Variants in HOTAIR observed in about 807,000 individuals in gnomAD.
The protein encoded by HOTAIR is HOX transcript antisense RNA, also known as HOX transcript antisense RNA (non-protein coding).
At chr12:53,971,557 G>A (rs1939148628) in intron 1 of HOTAIR, among the ~76,000 whole-genome samples, 1 of 152,234 alleles carries the variant, frequency 6.6e-6, no homozygotes, top group Admixed American at 6.5e-5. Context: ...TCTTTAAGTG[G>A]AAACTAATTT....
At chr12:53,969,964 G>A (rs1294876169) in intron 1 of HOTAIR, among the ~76,000 whole-genome samples, 2 of 152,226 alleles carry the variant, frequency 1.3e-5, no homozygotes, top group Non-Finnish European at 2.9e-5. Flanking sequence ...TCTGGGAGCC[G>A]CCCAGGGTAG....
exon 7 of HOTAIR, chr12:53,962,615 G>A (rs1315327246): frequency 6.6e-6 from 1 of 152,108 alleles, no homozygotes; most frequent in Admixed American, 6.6e-5. Flanking sequence ...ATTCTTCTGG[G>A]TTCATGAACT....
intron 1 of HOTAIR, among the ~76,000 whole-genome samples, chr12:53,971,070 A>G (rs970537403): frequency 4.6e-5 from 7 of 152,042 alleles, no homozygotes; most frequent in Non-Finnish European, 7.4e-5. Context: ...GTCAGTGTGA[A>G]CCCCATTAAA....
intron 1 of HOTAIR, among the ~76,000 whole-genome samples, chr12:53,972,672 G>T (rs1282168186): frequency 2.0e-5 from 3 of 152,200 alleles, no homozygotes; most frequent in African/African-American, 4.8e-5. Flanking sequence ...GGGTTGGAAG[G>T]GTAAGAGTCC....
chr12:53,974,789 A>G (rs1939224407), intron 1 of HOTAIR: 1 of 164,960 alleles, frequency 6.1e-6, no homozygotes, highest in Non-Finnish European at 1.3e-5. Context: ...CTTTCCCCCC[A>G]GATTTCTGGG....
intron 1 of HOTAIR, among the ~76,000 whole-genome samples, chr12:53,969,113 G>A (rs1416989384): frequency 6.6e-6 from 1 of 152,194 alleles, no homozygotes; most frequent in Non-Finnish European, 1.5e-5. Flanking sequence ...GATCTGGGTG[G>A]CCCAACAGGG....
chr12:53,964,477 A>G (rs1400596816), intron 5 of HOTAIR, among the ~76,000 whole-genome samples: 1 of 152,178 alleles, frequency 6.6e-6, no homozygotes, highest in African/African-American at 2.4e-5. Context: ...TGAAGAAACA[A>G]TGTAACACTA....
chr12:53,973,939 C>T lies in HOTAIR; in HGVS notation n.59+959G>A. On this transcript the variant is annotated intron_variant and non_coding_transcript_variant, in intron 1 of 6. Transcript: ENST00000424518. This position sits in a 1 kb window ranked among gnomAD's most constrained non-coding sequence, Gnocchi z 4.3. Reference sequence around the variant, plus strand: ...GCCGCCCCCAGTAGGTAGCAGCGGCCGGGGAACGGGCGGGCAGCGAGGGAG... The same window carrying T: ...GCCGCCCCCAGTAGGTAGCAGCGGCTGGGGAACGGGCGGGCAGCGAGGGAG... 1.4e-6 allele frequency: 2 copies of T among 1,425,966 alleles called. No individual in the cohort carries two copies. The highest frequency in any genetic ancestry group is 1.8e-6 in the Non-Finnish European group (2 of 1,087,858). The allele number at this position is 1,425,966 out of a possible 1,614,324, so 88.3% of individuals were successfully genotyped here. A position where few individuals can be genotyped will look rare whatever the true frequency, so the allele number is the denominator to read the frequency against.
At chr12:53,970,155 G>A (rs1939124864) in intron 1 of HOTAIR, among the ~76,000 whole-genome samples, 1 of 152,264 alleles carries the variant, frequency 6.6e-6, no homozygotes, top group Non-Finnish European at 1.5e-5. Context: ...CCAGTGGGGA[G>A]GGCCGGATGG....
chr12:53,964,691 T>C (rs1449283043), intron 5 of HOTAIR, among the ~76,000 whole-genome samples: 3 of 152,184 alleles, frequency 2.0e-5, no homozygotes, highest in African/African-American at 7.2e-5. Context: ...CTCTCTGATG[T>C]CTGTGCAGAG....
intron 5 of HOTAIR, among the ~76,000 whole-genome samples, chr12:53,965,582 G>C (rs965737676): frequency 6.6e-6 from 1 of 152,184 alleles, no homozygotes; most frequent in African/African-American, 2.4e-5. Context: ...TCCGGGATTT[G>C]AGACCAGAAG....
Position 53,973,933 on chromosome 12 carries a change from A to G in HOTAIR, n.59+965T>C, listed in dbSNP as rs1364922894. On this transcript the variant is annotated intron_variant and non_coding_transcript_variant, in intron 1 of 6. Coordinates refer to ENST00000424518, the Ensembl canonical transcript of HOTAIR. This position sits in a 1 kb window ranked among gnomAD's most constrained non-coding sequence, Gnocchi z 4.3. ...AAAGGAGCCGCCCCCAGTAGGTAGC[A>G]GCGGCCGGGGAACGGGCGGGCAGCG... 6 of 1,435,692 alleles carry G rather than the reference A, an allele frequency of 4.2e-6. No individual in the cohort carries two copies. The highest frequency in any genetic ancestry group is 3.7e-6 in the Non-Finnish European group (4 of 1,092,656). The allele number at this position is 1,435,692 out of a possible 1,614,324, so 88.9% of individuals were successfully genotyped here. A position where few individuals can be genotyped will look rare whatever the true frequency, so the allele number is the denominator to read the frequency against.
chr12:53,965,717 G>A (rs1309752709), intron 5 of HOTAIR, among the ~76,000 whole-genome samples: 1 of 151,976 alleles, frequency 6.6e-6, no homozygotes, highest in Non-Finnish European at 1.5e-5. Flanking sequence ...AAGAAAGGGG[G>A]CAGGAAGAAC....
intron 2 of HOTAIR, chr12:53,967,487 G>A (rs1454146751): frequency 6.6e-6 from 1 of 152,248 alleles, no homozygotes; most frequent in Non-Finnish European, 1.5e-5. Context: ...CTGACCCCAA[G>A]ATCTAAGGTG....
chr12:53,967,539 CACTTATGTT>C (rs1021628089), intron 2 of HOTAIR: 3 of 152,212 alleles, frequency 2.0e-5, no homozygotes, highest in African/African-American at 7.2e-5. Context: ...GGCAAAGTGC[CACTTATGTT>C]ACAAAATGCC....
chr12:53,965,390 C>T (rs1003485209), intron 5 of HOTAIR, among the ~76,000 whole-genome samples: 1 of 152,236 alleles, frequency 6.6e-6, no homozygotes, highest in Non-Finnish European at 1.5e-5. Flanking sequence ...CTTATCCAAA[C>T]CAATTTCATT....
At chr12:53,974,609 C>T (rs1939218854) in intron 1 of HOTAIR, among the ~76,000 whole-genome samples, 1 of 151,938 alleles carries the variant, frequency 6.6e-6, no homozygotes, top group South Asian at 2.1e-4. Context: ...CCCGGGTCCG[C>T]GGCCTTAGTG....
Position 53,965,753 on chromosome 12 carries a change from G to A in HOTAIR, n.551+211C>T, listed in dbSNP as rs113278229. Among the ~76,000 whole-genome samples the A allele has an allele frequency of 8.1e-3, 1,217 of 150,654 alleles. 8 individuals are homozygous for A. The highest frequency in any genetic ancestry group is 0.013 in the Non-Finnish European group (856 of 67,610). On this transcript the variant is annotated intron_variant and non_coding_transcript_variant, in intron 5 of 6. Coordinates refer to ENST00000424518, the Ensembl canonical transcript of HOTAIR. ...AGCAGGAGAAAAAGAAGGAAGGAAG[G>A]AAATGAAAAGGAAAAGACAGAAAAA...
chr12:53,972,116 A>G (rs1939156204), intron 1 of HOTAIR, among the ~76,000 whole-genome samples: 1 of 152,166 alleles, frequency 6.6e-6, no homozygotes, highest in Non-Finnish European at 1.5e-5. Context: ...ATCCAAGGAT[A>G]AGAACCCCAA....
Sources: allele counts gnomAD v4.1 joint callset (sites outside exome capture counted in the v4.1 genomes callset), GRCh38; gene constraint gnomAD v4.1.1; non-coding constraint Gnocchi (gnomAD v3.1); transcripts MANE v1.5; gene names NCBI Gene and HGNC (gene_info 2026-07-23, HGNC 2026-07-21).